The following MLPH variants were observed in gnomAD, a reference collection of about 807,000 sequenced individuals.
MLPH encodes the protein melanophilin, also known as exophilin-3.
A neutral mutation model predicts 72.1 loss-of-function variants in MLPH; 51 were observed. The observed-to-expected ratio is 0.71, with a 90% confidence interval of 0.56 to 0.89. The LOEUF (loss-of-function observed/expected upper bound fraction) is 0.89, where lower values mean the gene tolerates loss of function less well. MLPH is among the 40% of genes least tolerant of loss of function. MLPH has a pLI of 0.00. For missense variants in MLPH, 743 were observed against 759.9 expected (o/e 0.98, Z 0.26); for synonymous variants, 301 against 310.1 (o/e 0.97, Z 0.31).
intron 1 of MLPH, among the ~76,000 whole-genome samples, chr2:237,489,762 G>A (rs1376999304): frequency 2.0e-5 from 3 of 152,158 alleles, no homozygotes; most frequent in African/African-American, 7.2e-5. Flanking sequence ...CAGCCCAAGA[G>A]CTAGTTAAGC....
chr2:237,527,448 A>C lies in MLPH; in HGVS notation c.952A>C (p.Ser318Arg). 1 of 1,614,206 alleles carries C rather than the reference A, an allele frequency of 6.2e-7. No individual in the cohort carries two copies. Among genetic ancestry groups the C allele is most frequent in the Non-Finnish European group, 8.5e-7 (1 of 1,180,044 alleles). The change falls in exon 8 of 16, where the codon AGC becomes CGC. Residue 318 changes from serine (S) to arginine (R), a missense_variant. Coordinates refer to ENST00000264605, the MANE Select transcript of MLPH (RefSeq NM_024101.7). ...CGATGTGGACACCTCTGATGAGGAA[A>C]GCATCCGGGCTCACGTGATGGCCTC... The part of the protein sequence containing the change: ...LADVDTSDEE[S>R]IRAHVMASHH...
intron 12 of MLPH, among the ~76,000 whole-genome samples, chr2:237,544,468 T>TGGA (rs2080837707): frequency 3.5e-5 from 1 of 28,568 alleles, no homozygotes; most frequent in Non-Finnish European, 5.7e-5. Context: ...CAGTAGTGAG[T>TGGA]GGGGACAGTG....
At chr2:237,490,202 C>T (rs2079401134) in intron 1 of MLPH, among the ~76,000 whole-genome samples, 1 of 152,144 alleles carries the variant, frequency 6.6e-6, no homozygotes, top group Non-Finnish European at 1.5e-5. Context: ...CAGAGCAGCC[C>T]TGCACTCCTC....
rs796486376 is a variant in MLPH at position 237,511,002 on chromosome 2, G to T, written c.346G>T (p.Gly116Cys). The change falls in exon 4 of 16, where the codon GGC becomes TGC. Residue 116 changes from glycine (G) to cysteine (C), a missense_variant. Gly to Cys is a radical substitution (Grantham distance 159, BLOSUM62 -3). Transcript: ENST00000264605. ...TTGTCCCTGCAGAGTCGTGAAGATC[G>T]GCTCACTGGAGTGGTACTATGAGCA... ...PCHLARVVKIGSLEWYYEHVK... is the reference protein window; with the variant it reads ...PCHLARVVKICSLEWYYEHVK... 3.1e-6 allele frequency: 5 copies of T among 1,613,678 alleles called. No homozygotes were observed. In the African/African-American group the frequency reaches 5.3e-5, roughly 17 times the overall value.
chr2:237,551,801 A>C, intron 14 of MLPH, among the ~76,000 whole-genome samples: 1 of 151,924 alleles, frequency 6.6e-6, no homozygotes, highest in Non-Finnish European at 1.5e-5. Context: ...AACATGGTGA[A>C]ACCCCATCTC....
At chr2:237,549,037 T>G (rs2080979201) in intron 13 of MLPH, among the ~76,000 whole-genome samples, 184 bp from the exon 14 acceptor site, 1 of 152,238 alleles carries the variant, frequency 6.6e-6, no homozygotes, top group African/African-American at 2.4e-5. Flanking sequence ...ATTTCAGGCA[T>G]TTCATGCTTA....
Position 237,527,374 on chromosome 2 carries a change from A to C in MLPH, c.881-3A>C, listed in dbSNP as rs766748444. ...GTAATTCAAACCCACTCTCGCTCTGAAGGGTCGAATGTCATCAGGAATGAG... is the reference window on the plus strand; with the variant it reads ...GTAATTCAAACCCACTCTCGCTCTGCAGGGTCGAATGTCATCAGGAATGAG... On this transcript the variant is annotated splice_region_variant and splice_polypyrimidine_tract_variant and intron_variant, in intron 7 of 15. Coordinates refer to ENST00000264605, the MANE Select transcript of MLPH (RefSeq NM_024101.7). 15 of 1,614,046 alleles carry C rather than the reference A, an allele frequency of 9.3e-6. No individual in the cohort carries two copies. In the East Asian group the frequency reaches 3.3e-4, roughly 36 times the overall value.
chr2:237,490,165 C>A (rs968684593), intron 1 of MLPH, among the ~76,000 whole-genome samples: 4 of 152,112 alleles, frequency 2.6e-5, no homozygotes, highest in East Asian at 1.9e-4. Flanking sequence ...CTCTGGGAGC[C>A]CCCACCCCAC....
At chr2:237,553,518 C>A in intron 15 of MLPH, 48 bp from the exon 16 acceptor site, 1 of 1,578,000 alleles carries the variant, frequency 6.3e-7, no homozygotes, top group Non-Finnish European at 8.7e-7. Context: ...GTGTTACATG[C>A]CTGTGTATGT....
chr2:237,552,406 C>T lies in MLPH; in HGVS notation c.1745C>T (p.Ala582Val), dbSNP rs112711398. The change falls in exon 15 of 16, where the codon GCG becomes GTG. Residue 582 changes from alanine to valine, a missense_variant. Ala to Val is a moderately conservative substitution (Grantham distance 64). Transcript: ENST00000264605. Reference protein sequence around the residue: ...RGSLTQRNPNARKGMASHTFA... With the variant: ...RGSLTQRNPNVRKGMASHTFA... ...TCGCTGACACAGAGAAACCCCAACGCGAGGAAAGGAATGGCCAGCCACACC... is the reference window on the plus strand; with the variant it reads ...TCGCTGACACAGAGAAACCCCAACGTGAGGAAAGGAATGGCCAGCCACACC... 2.5e-4 allele frequency: 408 copies of T among 1,613,854 alleles called. 1 individual carries two copies. Among genetic ancestry groups the T allele is most frequent in the Non-Finnish European group, 7.2e-5 (85 of 1,179,998 alleles).
chr2:237,509,734 A>G (rs956491609), intron 2 of MLPH, among the ~76,000 whole-genome samples: 23 of 152,042 alleles, frequency 1.5e-4, no homozygotes, highest in Non-Finnish European at 5.9e-5. Flanking sequence ...AGTTCAGCCA[A>G]TTGCACTTGA....
rs997664016 is a variant in MLPH, at chr2:237,525,584, C to G, written c.676-17C>G. The G allele has an allele frequency of 4.3e-6, 7 of 1,613,598 alleles. No homozygotes were observed. In the African/African-American group the frequency reaches 9.3e-5, roughly 22 times the overall value. On this transcript the variant is annotated splice_polypyrimidine_tract_variant and intron_variant, in intron 6 of 15. Transcript: ENST00000264605. ...TAGTAAACCCTGCAGAGGAGGCTGACAGCCCCATGTGCTTAGTCCCTCACA... is the reference window on the plus strand; with the variant it reads ...TAGTAAACCCTGCAGAGGAGGCTGAGAGCCCCATGTGCTTAGTCCCTCACA...
At chr2:237,538,608 G>T (rs2080591898) in intron 9 of MLPH, among the ~76,000 whole-genome samples, 1 of 152,220 alleles carries the variant, frequency 6.6e-6, no homozygotes, top group Non-Finnish European at 1.5e-5. Context: ...CTCAGAGAAA[G>T]CCTGTCTGCC....
chr2:237,545,801 TCA>T, intron 12 of MLPH: 2 of 395,488 alleles, frequency 5.1e-6, no homozygotes, highest in East Asian at 1.8e-4. Flanking sequence ...GCTCTAAATT[TCA>T]GATCAACAAC....
At chr2:237,535,866 T>C (rs781187069) in intron 9 of MLPH, among the ~76,000 whole-genome samples, 7 of 152,222 alleles carry the variant, frequency 4.6e-5, no homozygotes, top group Non-Finnish European at 8.8e-5. Flanking sequence ...AAGATTGCTT[T>C]AACACTCCAT....
intron 2 of MLPH, among the ~76,000 whole-genome samples, chr2:237,506,072 G>A (rs889442751): frequency 1.1e-4 from 16 of 152,082 alleles, no homozygotes; most frequent in Non-Finnish European, 1.8e-4. Context: ...ACTTGACTTC[G>A]AAATCAGCAG....
At chr2:237,516,120 G>A (rs11888077) in intron 4 of MLPH, among the ~76,000 whole-genome samples, 15,446 of 152,308 alleles carry the variant, frequency 0.1, 951 homozygotes, top group Non-Finnish European at 0.14. Flanking sequence ...CAGGTCCCAG[G>A]GCAAGGGTGT....
chr2:237,512,519 A>G lies in MLPH; in HGVS notation c.445+1418A>G, dbSNP rs1332455414. 6.6e-6 allele frequency among the ~76,000 whole-genome samples: 1 copy of G among 152,072 alleles called. No homozygotes were observed. The highest frequency in any genetic ancestry group is 1.5e-5 in the Non-Finnish European group (1 of 68,016). On this transcript the variant is annotated intron_variant, in intron 4 of 15. Coordinates refer to ENST00000264605, the MANE Select transcript of MLPH (RefSeq NM_024101.7). This position sits in a 1 kb window ranked among gnomAD's most constrained non-coding sequence, Gnocchi z 5.5. The stretch of plus-strand genomic sequence containing the variant: ...TACTGATAACATGCTGCAACAACAG[A>G]TGTGACTAGGAACGGCCGGTGACAT...
rs1220444865 is a variant in MLPH, at chr2:237,493,601, G to C, written c.110+65G>C. ...TGATCTTCCCCCAGGGCCATCATAT[G>C]GGTGCTGTCTGGGTGGGTCAACAGC... On this transcript the variant is annotated intron_variant, in intron 2 of 15. Transcript: ENST00000264605. 9 of 1,286,896 alleles carry C rather than the reference G, an allele frequency of 7.0e-6. No homozygotes were observed. In the Admixed American group the frequency reaches 1.5e-4, roughly 22 times the overall value. The allele number at this position is 1,286,896 out of a possible 1,614,324, so 79.7% of individuals were successfully genotyped here. A position where few individuals can be genotyped will look rare whatever the true frequency, so the allele number is the denominator to read the frequency against.
Sources: gnomAD v4.1 joint callset for allele counts (sites outside exome capture counted in the v4.1 genomes callset) on GRCh38, gnomAD v4.1.1 for gene constraint, Gnocchi (gnomAD v3.1) non-coding constraint, MANE v1.5 for transcripts, NCBI Gene and HGNC (gene_info 2026-07-23, HGNC 2026-07-21) for gene names.